Variants in RNF157 observed in about 807,000 individuals in gnomAD.
RNF157 encodes the protein ring finger protein 157, also known as E3 ubiquitin ligase RNF157.
Under a neutral mutation model 88.3 loss-of-function variants are expected in RNF157, and 55 were observed. The observed-to-expected ratio is 0.62, with a 90% CI of 0.50 to 0.78. RNF157 has a LOEUF of 0.78. RNF157 is among the 30% of genes least tolerant of loss of function. The pLI is 0.00. For synonymous variants in RNF157, 334 were observed against 341.2 expected (o/e 0.98, Z 0.23); for missense variants, 788 against 860.8 (o/e 0.92, Z 1.06).
At chr17:76,212,134 T>C in intron 2 of RNF157, 1 of 446,558 alleles carries the variant, frequency 2.2e-6, no homozygotes, top group East Asian at 3.6e-5. Flanking sequence ...TGTCCTAGCT[T>C]AATTTGTGAG....
chr17:76,186,723 T>C (rs1436522457), intron 2 of RNF157, among the ~76,000 whole-genome samples: 1 of 152,030 alleles, frequency 6.6e-6, no homozygotes, highest in Non-Finnish European at 1.5e-5. Context: ...GCAGATAACC[T>C]GAGGTCAGGA....
At chr17:76,239,354 G>A (rs549138900) in intron 1 of RNF157, among the ~76,000 whole-genome samples, 3 of 152,240 alleles carry the variant, frequency 2.0e-5, no homozygotes, top group African/African-American at 4.8e-5. Context: ...CCAGAGGCTA[G>A]AGACATTTAA....
At chr17:76,191,074 CTT>C (rs2069377465) in intron 2 of RNF157, among the ~76,000 whole-genome samples, 1 of 151,898 alleles carries the variant, frequency 6.6e-6, no homozygotes, top group Non-Finnish European at 1.5e-5. Context: ...ACATAAACCT[CTT>C]GTGTTACCAG....
chr17:76,231,538 T>C (rs3859179), intron 1 of RNF157, among the ~76,000 whole-genome samples: 3,879 of 152,270 alleles, frequency 0.025, 188 homozygotes, highest in African/African-American at 0.089. Flanking sequence ...CCTCAGGTGA[T>C]CTTCTGGCCT....
intron 13 of RNF157, 21 bp from the exon 14 acceptor site, chr17:76,156,342 C>T (rs1384049034): frequency 6.2e-7 from 1 of 1,613,736 alleles, no homozygotes; most frequent in Admixed American, 1.7e-5. Flanking sequence ...TGGGGGGACA[C>T]AACAGGACAT....
chr17:76,207,912 G>A (rs1490073500), intron 2 of RNF157, among the ~76,000 whole-genome samples: 1 of 152,120 alleles, frequency 6.6e-6, no homozygotes, highest in African/African-American at 2.4e-5. Context: ...ACATATCACT[G>A]CCACTCGTCT....
intron 2 of RNF157, among the ~76,000 whole-genome samples, chr17:76,199,403 C>T (rs371016270): frequency 5.4e-4 from 82 of 151,944 alleles, no homozygotes; most frequent in African/African-American, 1.4e-3. Flanking sequence ...ACTATAGGCA[C>T]GCTCCATCAT....
At chr17:76,211,845 T>C (rs2145024151) in intron 2 of RNF157, 1 of 152,454 alleles carries the variant, frequency 6.6e-6, no homozygotes. Context: ...GAGAAATGTA[T>C]TCTCATATCA....
At chr17:76,187,712 G>A (rs1363567192) in intron 2 of RNF157, among the ~76,000 whole-genome samples, 1 of 152,064 alleles carries the variant, frequency 6.6e-6, no homozygotes, top group African/African-American at 2.4e-5. Flanking sequence ...TCCTGCCTCA[G>A]CTTCTCGAGT....
chr17:76,238,977 G>A (rs2070327480), intron 1 of RNF157, among the ~76,000 whole-genome samples: 1 of 152,174 alleles, frequency 6.6e-6, no homozygotes, highest in African/African-American at 2.4e-5. Context: ...ATGCGGGCAG[G>A]TTCATCGTCT....
chr17:76,169,579 G>GTT (rs558817508), intron 3 of RNF157, among the ~76,000 whole-genome samples: 123 of 133,484 alleles, frequency 9.2e-4, no homozygotes, highest in African/African-American at 1.9e-3. Flanking sequence ...GCCTAGTTAG[G>GTT]TTTTTTTTTT....
intron 2 of RNF157, among the ~76,000 whole-genome samples, chr17:76,209,913 C>G (rs1352736721): frequency 6.6e-6 from 1 of 152,136 alleles, no homozygotes; most frequent in Admixed American, 6.5e-5. Context: ...GCTCACACCA[C>G]CACGCCCAGC....
Position 76,167,624 on chromosome 17 carries a change from G to A in RNF157, c.443+27C>T, listed in dbSNP as rs747823335. 10 of 1,613,542 alleles carry A rather than the reference G, an allele frequency of 6.2e-6. No homozygotes were observed. In the South Asian group the frequency reaches 1.1e-4, roughly 18 times the overall value. ...GGCCTGGTAATAATCTGGGAAGGAA[G>A]TGGCTCTCCTGGTCTCCTGATCTTA... On this transcript the variant is annotated intron_variant, in intron 4 of 18. Coordinates refer to ENST00000269391, the MANE Select transcript of RNF157 (RefSeq NM_052916.3).
At chr17:76,163,800 A>T (rs1172893145) in intron 8 of RNF157, 1 of 152,114 alleles carries the variant, frequency 6.6e-6, no homozygotes, top group Non-Finnish European at 1.5e-5. Flanking sequence ...GCCTTCCCCC[A>T]TGAGGCAACT....
chr17:76,229,120 A>G (rs2070144997), intron 1 of RNF157, among the ~76,000 whole-genome samples: 1 of 152,082 alleles, frequency 6.6e-6, no homozygotes, highest in African/African-American at 2.4e-5. Flanking sequence ...ACCTCTGCAG[A>G]ATTCAACACT....
intron 1 of RNF157, among the ~76,000 whole-genome samples, chr17:76,232,252 G>C (rs997287810): frequency 3.9e-5 from 6 of 152,118 alleles, no homozygotes; most frequent in African/African-American, 1.4e-4. Context: ...GATGGGAGTG[G>C]TGGCATGTGC....
In RNF157 at chr17:76,142,669, C is replaced by CAGGTGGGCAGGACCCCAACTCCCAGGTG. The variant is rs1439194026; in HGVS notation, c.*2538_*2565dup. On this transcript the variant is annotated 3_prime_UTR_variant, in exon 19 of 19. Transcript: ENST00000269391. ...AGTGAGCGACCAGCGTGCTAAACTC[C>CAGGTGGGCAGGACCCCAACTCCCAGGTG]AGGTGGGCAGGACCCCAACTCCCAG... The CAGGTGGGCAGGACCCCAACTCCCAGGTG allele has an allele frequency of 1.3e-5, 2 of 152,490 alleles. No individual in the cohort carries two copies. Among genetic ancestry groups the CAGGTGGGCAGGACCCCAACTCCCAGGTG allele is most frequent in the South Asian group, 2.1e-4 (1 of 4,838 alleles). The allele number at this position is 152,490 out of a possible 1,614,324, so 9.4% of individuals were successfully genotyped here.
rs776344451 is a variant in RNF157, at chr17:76,161,571, G to C, written c.1029C>G (p.Ile343Met). The C allele has an allele frequency of 3.1e-6, 5 of 1,614,034 alleles. No individual in the cohort carries two copies. The African/African-American group carries it at 5.3e-5, about 17-fold the overall frequency. The stretch of plus-strand genomic sequence containing the variant: ...CAGAGTCAGATGTCTGGGATGAGAT[G>C]ATGGGGTTAAAGCTGGTTGGGGACA... ...GPLSPTSFNP[I>M]ISSQTSDSEE... The change falls in exon 11 of 19, where the codon ATC (isoleucine) becomes ATG (methionine). Residue 343 changes from isoleucine (I) to methionine (M), a missense_variant. Ile to Met is a conservative substitution (Grantham distance 10, BLOSUM62 1). Coordinates refer to ENST00000269391, the MANE Select transcript of RNF157 (RefSeq NM_052916.3). The surrounding 1 kb of genome is among the most constrained non-coding windows in gnomAD (Gnocchi z 4.6).
At chr17:76,233,349 T>A (rs1367401321) in intron 1 of RNF157, among the ~76,000 whole-genome samples, 1 of 152,244 alleles carries the variant, frequency 6.6e-6, no homozygotes, top group East Asian at 1.9e-4. Flanking sequence ...TTTTCAACTT[T>A]TTACTGTCTT....
Sources: allele counts gnomAD v4.1 joint callset (sites outside exome capture counted in the v4.1 genomes callset), GRCh38; gene constraint gnomAD v4.1.1; non-coding constraint Gnocchi (gnomAD v3.1); transcripts MANE v1.5; gene names NCBI Gene and HGNC (gene_info 2026-07-23, HGNC 2026-07-21).